CAMK2B: variants seen among roughly 807,000 people sequenced by gnomAD.
The protein encoded by CAMK2B is calcium/calmodulin-dependent protein kinase type II subunit beta.
Under a neutral mutation model 93.7 loss-of-function variants are expected in CAMK2B, and 27 were observed. The ratio of observed to expected loss-of-function variants is 0.29; its 90% CI spans 0.21 to 0.40. The LOEUF is 0.40. CAMK2B is among the 10% of genes least tolerant of loss of function. The pLI, the probability that CAMK2B is intolerant of heterozygous loss-of-function variation, is 1.00. For synonymous variants in CAMK2B, 374 were observed against 358.8 expected (o/e 1.04, Z -0.48); for missense variants, 568 against 895.8 (o/e 0.63, Z 4.67).
At chr7:44,281,760 C>T (rs1212313868) in intron 2 of CAMK2B, among the ~76,000 whole-genome samples, 3 of 152,148 alleles carry the variant, frequency 2.0e-5, no homozygotes, top group African/African-American at 7.2e-5. Flanking sequence ...GTTACAGAGG[C>T]CACTCCCTCC....
Position 44,226,606 on chromosome 7 carries a change from CCCT to C in CAMK2B, c.1504_1506del (p.Arg502del). 2.0e-6 allele frequency: 3 copies of C among 1,523,542 alleles called. No homozygotes were observed. Among genetic ancestry groups the C allele is most frequent in the Non-Finnish European group, 2.6e-6 (3 of 1,144,676 alleles). The allele number at this position is 1,523,542 out of a possible 1,614,324, so 94.4% of individuals were successfully genotyped here. A position where few individuals can be genotyped will look rare whatever the true frequency, so the allele number is the denominator to read the frequency against. ...CCCTCGGCTTCTGGGGTCCCTGAGC[CCCT>C]CCTCACAGAGTTCAGGATGTCAGAG... On this transcript the variant is annotated inframe_deletion, in exon 20 of 24. Coordinates refer to ENST00000395749, the MANE Select transcript of CAMK2B (RefSeq NM_001220.5).
intron 4 of CAMK2B, among the ~76,000 whole-genome samples, chr7:44,256,701 G>T (rs1006444566): frequency 3.9e-5 from 6 of 152,230 alleles, no homozygotes; most frequent in African/African-American, 1.4e-4. Context: ...TGGCTAAAAG[G>T]CCTTACGGTC....
At chr7:44,317,674 T>C (rs1289062997) in intron 1 of CAMK2B, among the ~76,000 whole-genome samples, 1 of 152,240 alleles carries the variant, frequency 6.6e-6, no homozygotes, top group African/African-American at 2.4e-5. Flanking sequence ...CTAGAAAATT[T>C]TTAATCACAC....
intron 20 of CAMK2B, among the ~76,000 whole-genome samples, chr7:44,221,506 G>C (rs997832999): frequency 3.3e-5 from 5 of 149,852 alleles, no homozygotes; most frequent in African/African-American, 5.1e-5. Context: ...GTGCGGCGCA[G>C]GCTGCAGGGT....
intron 12 of CAMK2B, among the ~76,000 whole-genome samples, chr7:44,240,119 C>G (rs544410929): frequency 5.4e-4 from 81 of 148,680 alleles, no homozygotes; most frequent in Non-Finnish European, 9.5e-4. Flanking sequence ...TTGTCCAGAC[C>G]TGGGCTGCCG....
chr7:44,260,845 C>G (rs954983395), intron 3 of CAMK2B, among the ~76,000 whole-genome samples: 13 of 152,218 alleles, frequency 8.5e-5, no homozygotes, highest in East Asian at 5.8e-4. Context: ...TCTCTGCCCC[C>G]ACCAAGCCCC....
intron 1 of CAMK2B, among the ~76,000 whole-genome samples, chr7:44,308,824 C>CCCTCG (rs966497681): frequency 2.7e-4 from 41 of 152,294 alleles, no homozygotes; most frequent in African/African-American, 9.6e-4. Flanking sequence ...GTGTGCGAGC[C>CCCTCG]CCTCGTCTCT....
intron 3 of CAMK2B, among the ~76,000 whole-genome samples, chr7:44,262,417 C>T (rs35062073): frequency 0.22 from 34,130 of 152,216 alleles, 4,040 homozygotes; most frequent in Non-Finnish European, 0.27. Flanking sequence ...CCAGGGTCAC[C>T]TGACCCCAGA....
rs771590580 is a variant in CAMK2B at position 44,240,761 on chromosome 7, C to G, written c.904-12G>C. On this transcript the variant is annotated splice_polypyrimidine_tract_variant and intron_variant, in intron 11 of 23. Transcript: ENST00000395749. ...GTGAGGATGGCTCCCTGGGGAGAGA[C>G]ACAGATAAAACCGGGGCTATCCCAT... The G allele has an allele frequency of 1.6e-5, 26 of 1,613,548 alleles. No individual in the cohort carries two copies. Among genetic ancestry groups the G allele is most frequent in the Non-Finnish European group, 2.2e-5 (26 of 1,179,828 alleles).
chr7:44,226,700 G>A, intron 19 of CAMK2B, 56 bp from the exon 20 acceptor site: 2 of 1,348,024 alleles, frequency 1.5e-6, no homozygotes, highest in East Asian at 3.9e-5. Context: ...GCACGCAGGA[G>A]AGAAACCATG....
intron 1 of CAMK2B, among the ~76,000 whole-genome samples, chr7:44,285,872 G>A (rs1584609891): frequency 1.0e-5 from 1 of 98,322 alleles, no homozygotes; most frequent in Non-Finnish European, 2.1e-5. Flanking sequence ...GGGGCGCGGC[G>A]GGGGGGCGCG....
intron 2 of CAMK2B, among the ~76,000 whole-genome samples, chr7:44,278,862 T>C (rs1326733991): frequency 6.6e-6 from 1 of 152,012 alleles, no homozygotes; most frequent in East Asian, 1.9e-4. Flanking sequence ...AAAGCCGGGG[T>C]GGTAGGGCCA....
chr7:44,229,145 G>C, intron 18 of CAMK2B: 3 of 625,510 alleles, frequency 4.8e-6, no homozygotes, highest in Non-Finnish European at 8.7e-6. Flanking sequence ...TGAGGCCCGA[G>C]CCTCCAGGGC....
chr7:44,220,339 C>T (rs2096384970), intron 22 of CAMK2B, 45 bp from the exon 23 acceptor site: 1 of 1,441,370 alleles, frequency 6.9e-7, no homozygotes, highest in South Asian at 1.2e-5. Context: ...ACCATGACTG[C>T]CCTGGTGCCC....
intron 2 of CAMK2B, among the ~76,000 whole-genome samples, chr7:44,267,431 C>G (rs1291133135): frequency 6.6e-6 from 1 of 152,140 alleles, no homozygotes; most frequent in Non-Finnish European, 1.5e-5. Flanking sequence ...AGACTTGGTT[C>G]TCACACCCGC....
intron 18 of CAMK2B, chr7:44,229,134 T>C: frequency 1.6e-6 from 1 of 637,310 alleles, no homozygotes; most frequent in Non-Finnish European, 2.9e-6. Context: ...AAGACTGGAA[T>C]TGAGGCCCGA....
chr7:44,272,216 G>C (rs2129059289), intron 2 of CAMK2B, among the ~76,000 whole-genome samples: 1 of 152,350 alleles, frequency 6.6e-6, no homozygotes, highest in African/African-American at 2.4e-5. Flanking sequence ...GGGGAGCCCA[G>C]TGGTAGGTCT....
chr7:44,229,305 GCC>G, intron 18 of CAMK2B, 81 bp downstream of exon 18: 2 of 888,542 alleles, frequency 2.3e-6, no homozygotes, highest in East Asian at 5.6e-5. Context: ...CGCTCAGCCT[GCC>G]CTCGGCTCTG....
chr7:44,232,506 C>G (rs2096588925), intron 16 of CAMK2B, among the ~76,000 whole-genome samples: 1 of 152,154 alleles, frequency 6.6e-6, no homozygotes, highest in South Asian at 2.1e-4. Context: ...TCCTGAGATG[C>G]AGGCCCTGCT....
Sources: allele counts gnomAD v4.1 joint callset (sites outside exome capture counted in the v4.1 genomes callset), GRCh38; gene constraint gnomAD v4.1.1; transcripts MANE v1.5; gene names NCBI Gene and HGNC (gene_info 2026-07-23, HGNC 2026-07-21).